COL5A3: variants seen among roughly 807,000 people sequenced by gnomAD.
COL5A3 encodes collagen type V alpha 3 chain.
In COL5A3, 172 loss-of-function variants were observed where a neutral mutation model predicts 250.0. The ratio of observed to expected loss-of-function variants is 0.69; its 90% CI spans 0.61 to 0.78. COL5A3 has a LOEUF of 0.78. Among genes scored for constraint, COL5A3 ranks in the 30% least tolerant of loss-of-function variants. COL5A3 has a pLI of 0.00. For missense variants in COL5A3, 2,340 were observed against 2,334.4 expected, an observed-to-expected ratio of 1.00 and a Z score of -0.05; for synonymous variants, 937 against 900.4, an observed-to-expected ratio of 1.04 and a Z score of -0.73.
chr19:9,966,201 C>T (rs1483232977), intron 64 of COL5A3, 113 bp downstream of exon 64: 32 of 816,728 alleles, frequency 3.9e-5, no homozygotes, highest in Admixed American at 9.7e-5. Flanking sequence ...ACAGTAAGTG[C>T]TCAATAAATG....
chr19:9,962,166 G>A (rs1469332610), intron 65 of COL5A3, among the ~76,000 whole-genome samples: 21 of 152,044 alleles, frequency 1.4e-4, no homozygotes, highest in Non-Finnish European at 4.4e-5. Context: ...GAGTGCAGTG[G>A]CACGGTTTTG....
rs1039558909 is a variant in COL5A3, at chr19:9,960,186, A to G, written c.*225T>C. 1 of 590,154 alleles carries G rather than the reference A, an allele frequency of 1.7e-6. No homozygotes were observed. The highest frequency in any genetic ancestry group is 3.0e-6 in the Non-Finnish European group (1 of 335,224). 36.6% of individuals were successfully genotyped at this position (590,154 alleles called of 1,614,324 possible). On this transcript the variant is annotated 3_prime_UTR_variant, in exon 67 of 67. Transcript: ENST00000264828. ...GGGAGGGGAGAAAGAGCCAGACTGC[A>G]GTATGCCACCTGGAATGGGGTGAGA...
chr19:9,986,067 C>T (rs1055517150), intron 30 of COL5A3, among the ~76,000 whole-genome samples, 172 bp from the exon 31 acceptor site: 3 of 152,190 alleles, frequency 2.0e-5, no homozygotes, highest in Non-Finnish European at 4.4e-5. Context: ...GGTCATTCAG[C>T]CATTCCAAGT....
At chr19:9,966,069 C>T (rs542675153) in intron 64 of COL5A3, among the ~76,000 whole-genome samples, 86 of 151,672 alleles carry the variant, frequency 5.7e-4, no homozygotes, top group Non-Finnish European at 1.1e-3. Flanking sequence ...TGACCTCAAG[C>T]GATCCTCCCG....
intron 24 of COL5A3, among the ~76,000 whole-genome samples, chr19:9,991,074 T>TAAGAA (rs900364981): frequency 1.3e-5 from 2 of 151,040 alleles, no homozygotes; most frequent in Admixed American, 1.3e-4. Context: ...AAAAAGAAAA[T>TAAGAA]AAGAAAAGAA....
chr19:9,972,304 T>C (rs573577934), intron 51 of COL5A3, among the ~76,000 whole-genome samples: 1 of 151,558 alleles, frequency 6.6e-6, no homozygotes, highest in Admixed American at 6.6e-5. Flanking sequence ...CATCCATTCA[T>C]TCACTCGTTC....
rs2086990318 is a variant in COL5A3 at position 9,980,303 on chromosome 19, AG to A, written c.2605-257del. On this transcript the variant is annotated intron_variant, in intron 35 of 66. Coordinates refer to ENST00000264828, the MANE Select transcript of COL5A3 (RefSeq NM_015719.4). Reference sequence around the variant, plus strand: ...AGTGACTTGCCCAAGGTCACACAGTAGGTGAGTGGCAGAGCCAGGACTTGAA... The same window carrying A: ...AGTGACTTGCCCAAGGTCACACAGTAGTGAGTGGCAGAGCCAGGACTTGAA... Among the ~76,000 whole-genome samples the A allele has an allele frequency of 3.3e-5, 5 of 152,226 alleles. No individual in the cohort carries two copies. The South Asian group carries it at 1.0e-3, about 31-fold the overall frequency.
chr19:10,004,269 A>G (rs2087408091), intron 4 of COL5A3, 124 bp from the exon 5 acceptor site: 1 of 674,302 alleles, frequency 1.5e-6, no homozygotes, highest in Admixed American at 2.2e-5. Context: ...CCCCACCCAG[A>G]GCATGCTAAG....
At chr19:9,970,744 C>T in intron 53 of COL5A3, 69 bp from the exon 54 acceptor site, 1 of 1,299,466 alleles carries the variant, frequency 7.7e-7, no homozygotes, top group Non-Finnish European at 1.0e-6. Flanking sequence ...TTTAGGACGC[C>T]TTGGACCAGA....
chr19:9,993,707 A>C lies in COL5A3; in HGVS notation c.1642-35T>G, dbSNP rs370185804. On this transcript the variant is annotated intron_variant, in intron 17 of 66. Transcript: ENST00000264828. ...GACACCAGTGAGCCTTGACCCCATA[A>C]GCCTGACAGCTCCCACCAAGTCTTA... 745 of 1,614,030 alleles carry C rather than the reference A, an allele frequency of 4.6e-4. 14 individuals carry two copies. The South Asian group carries it at 6.5e-3, about 14-fold the overall frequency.
At chr19:9,990,798 C>T (rs1350428738) in intron 24 of COL5A3, among the ~76,000 whole-genome samples, 1 of 152,080 alleles carries the variant, frequency 6.6e-6, no homozygotes, top group African/African-American at 2.4e-5. Context: ...CTCCTGACCT[C>T]GTGATCCCCC....
At chr19:10,002,165 C>A (rs2087372890) in intron 6 of COL5A3, among the ~76,000 whole-genome samples, 1 of 152,148 alleles carries the variant, frequency 6.6e-6, no homozygotes, top group Admixed American at 6.5e-5. Flanking sequence ...GGAAGCCTAG[C>A]CCACATGTCC....
At position 9,998,094 on chromosome 19, in the gene COL5A3, C is replaced by G; in HGVS notation, c.1158+8G>C. 1 of 1,613,998 alleles carries G rather than the reference C, an allele frequency of 6.2e-7. No individual in the cohort carries two copies. On this transcript the variant is annotated splice_region_variant and intron_variant, in intron 9 of 66. Transcript: ENST00000264828. ...CCTCTCAACCCCCTCACAATCCAGACCCCTCACCTTTTCAATCACTGCGGG... is the reference window on the plus strand; with the variant it reads ...CCTCTCAACCCCCTCACAATCCAGAGCCCTCACCTTTTCAATCACTGCGGG...
intron 6 of COL5A3, 98 bp from the exon 7 acceptor site, chr19:10,001,979 G>C: frequency 2.5e-6 from 2 of 804,164 alleles, no homozygotes; most frequent in South Asian, 3.3e-5. Context: ...CCAGTCCGGG[G>C]ACAGGGACAG....
intron 8 of COL5A3, among the ~76,000 whole-genome samples, chr19:9,999,032 CTT>C (rs1363688621): frequency 3.3e-5 from 3 of 92,164 alleles, no homozygotes; most frequent in East Asian, 2.7e-4. Context: ...CTTTCTCTTT[CTT>C]TTTCTTTCTC....
Position 9,980,163 on chromosome 19 carries a change from A to ATGGG in COL5A3, c.2605-120_2605-117dup, listed in dbSNP as rs1394658112. ...ATTGAGTGCTTACTGCATGCCAGGC[A>ATGGG]TGGGCAGGGCATTCTCCACAAGTCA... On this transcript the variant is annotated intron_variant, in intron 35 of 66. Transcript: ENST00000264828. 3 of 982,428 alleles carry ATGGG rather than the reference A, an allele frequency of 3.1e-6. No homozygotes were observed. The African/African-American group carries it at 5.0e-5, about 16-fold the overall frequency. 60.9% of individuals were successfully genotyped at this position (982,428 alleles called of 1,614,324 possible).
chr19:9,969,779 A>C, intron 55 of COL5A3, 90 bp downstream of exon 55: 3 of 1,578,080 alleles, frequency 1.9e-6, no homozygotes, highest in Non-Finnish European at 1.7e-6. Context: ...GAGTAGGTGC[A>C]CAGAGTGGTC....
rs771639973 is a variant in COL5A3 at position 9,962,935 on chromosome 19, T to C, written c.4783-48A>G. The C allele has an allele frequency of 4.5e-5, 63 of 1,393,388 alleles. No homozygotes were observed. The East Asian group carries it at 1.3e-3, about 29-fold the overall frequency. The allele number at this position is 1,393,388 out of a possible 1,614,324, so 86.3% of individuals were successfully genotyped here. On this transcript the variant is annotated intron_variant, in intron 64 of 66. Coordinates refer to ENST00000264828, the MANE Select transcript of COL5A3 (RefSeq NM_015719.4). The stretch of plus-strand genomic sequence containing the variant: ...ACTGTAGCTGACGCCCTTGGTGCCA[T>C]CTAGATCTCATCTGCATTTCCCTCC...
chr19:9,995,706 C>T (rs755472401), intron 15 of COL5A3, 89 bp from the exon 16 acceptor site: 79 of 1,024,824 alleles, frequency 7.7e-5, no homozygotes, highest in Non-Finnish European at 9.8e-5. Context: ...GAGATGGGGT[C>T]TTGCTGTATT....
Sources: allele counts gnomAD v4.1 joint callset (sites outside exome capture counted in the v4.1 genomes callset), GRCh38; gene constraint gnomAD v4.1.1; transcripts MANE v1.5; gene names NCBI Gene and HGNC (gene_info 2026-07-23, HGNC 2026-07-21).